Variants in KIAA0825 observed in about 807,000 individuals in gnomAD.
The protein encoded by KIAA0825 is uncharacterized protein KIAA0825.
Under a neutral mutation model 147.6 loss-of-function variants are expected in KIAA0825, and 119 were observed. That is an observed-to-expected ratio of 0.81 (90% CI 0.69 to 0.94). The LOEUF is 0.94. KIAA0825 is among the 40% of genes least tolerant of loss of function. The pLI is 0.00. For missense variants in KIAA0825, 1,381 were observed against 1,472.7 expected (o/e 0.94, Z 1.02); for synonymous variants, 470 against 518.1 (o/e 0.91, Z 1.26).
At chr5:94,329,307 G>A (rs929072355) in intron 20 of KIAA0825, among the ~76,000 whole-genome samples, 5 of 151,932 alleles carry the variant, frequency 3.3e-5, no homozygotes, top group African/African-American at 1.2e-4. Context: ...CTGAGCAAAT[G>A]AAATGGGAAA....
chr5:94,212,378 A>G (rs528086916), intron 20 of KIAA0825, among the ~76,000 whole-genome samples: 11 of 152,338 alleles, frequency 7.2e-5, no homozygotes, highest in South Asian at 2.1e-4. Flanking sequence ...CAGCCACTGT[A>G]TCAAGGTTTT....
In KIAA0825 at chr5:94,418,353, T is replaced by C. The variant is rs541708661; in HGVS notation, c.2498-988A>G. Among the ~76,000 whole-genome samples the C allele has an allele frequency of 1.8e-3, 271 of 152,286 alleles. 2 individuals carry two copies. The highest frequency in any genetic ancestry group is 5.8e-3 in the African/African-American group (243 of 41,578). ...CATCATAGACTTTATGTGGAGAACA[T>C]TATTGGTTTTGCTTCCTAATACCCA... On this transcript the variant is annotated intron_variant, in intron 14 of 20. Coordinates refer to ENST00000682413, the MANE Select transcript of KIAA0825 (RefSeq NM_001145678.3).
At chr5:94,567,017 T>C (rs1437780616) in intron 2 of KIAA0825, among the ~76,000 whole-genome samples, 1 of 152,194 alleles carries the variant, frequency 6.6e-6, no homozygotes, top group Non-Finnish European at 1.5e-5. Flanking sequence ...CCATAACCTT[T>C]CTCAGTTTAA....
chr5:94,338,338 T>C, intron 20 of KIAA0825, among the ~76,000 whole-genome samples: 1 of 151,308 alleles, frequency 6.6e-6, no homozygotes, highest in East Asian at 1.9e-4. Context: ...GGGAAAAGAA[T>C]CCTTTTTTAA....
At chr5:94,256,832 T>C (rs1776274731) in intron 20 of KIAA0825, among the ~76,000 whole-genome samples, 1 of 152,132 alleles carries the variant, frequency 6.6e-6, no homozygotes, top group African/African-American at 2.4e-5. Flanking sequence ...TTCTTAGAAC[T>C]TCAAAGGAGT....
At chr5:94,383,740 G>A (rs1748744187) in intron 20 of KIAA0825, among the ~76,000 whole-genome samples, 1 of 151,348 alleles carries the variant, frequency 6.6e-6, no homozygotes, top group Non-Finnish European at 1.5e-5. Context: ...ATTACATGTT[G>A]TTTCCTAGGC....
chr5:94,283,795 C>G (rs1777557477), intron 20 of KIAA0825, among the ~76,000 whole-genome samples: 2 of 152,106 alleles, frequency 1.3e-5, no homozygotes, highest in Non-Finnish European at 2.9e-5. Context: ...AAGCTCAACA[C>G]ATCTTTTTGA....
intron 20 of KIAA0825, among the ~76,000 whole-genome samples, chr5:94,220,883 A>G (rs548405779): frequency 1.3e-5 from 2 of 152,304 alleles, no homozygotes; most frequent in Non-Finnish European, 1.5e-5. Context: ...GGGACTGAAA[A>G]CTATTAATAT....
intron 2 of KIAA0825, among the ~76,000 whole-genome samples, chr5:94,576,763 C>G (rs1029330653): frequency 6.6e-6 from 1 of 152,214 alleles, no homozygotes. Context: ...GAGACATCTA[C>G]TCACGGAAGA....
intron 2 of KIAA0825, among the ~76,000 whole-genome samples, chr5:94,558,979 C>A (rs1020893109): frequency 6.6e-6 from 1 of 152,126 alleles, no homozygotes; most frequent in South Asian, 2.1e-4. Flanking sequence ...CATGACTGTC[C>A]ATAAAAATAC....
chr5:94,583,978 A>C (rs1355876599), intron 1 of KIAA0825, among the ~76,000 whole-genome samples: 1 of 152,196 alleles, frequency 6.6e-6, no homozygotes, highest in African/African-American at 2.4e-5. Context: ...ACAAACAGAA[A>C]GGAATACCAT....
intron 20 of KIAA0825, among the ~76,000 whole-genome samples, chr5:94,339,299 A>C (rs1167252399): frequency 6.6e-6 from 1 of 152,120 alleles, no homozygotes; most frequent in African/African-American, 2.4e-5. Context: ...ATTCCTATGA[A>C]TATTTTCTTC....
intron 14 of KIAA0825, among the ~76,000 whole-genome samples, chr5:94,419,080 T>C (rs1753844727): frequency 6.6e-6 from 1 of 152,086 alleles, no homozygotes; most frequent in Non-Finnish European, 1.5e-5. Context: ...CTTGCTCTGT[T>C]GCTCAGTCTG....
At chr5:94,578,974 C>T (rs967480127) in intron 2 of KIAA0825, among the ~76,000 whole-genome samples, 1 of 152,140 alleles carries the variant, frequency 6.6e-6, no homozygotes, top group African/African-American at 2.4e-5. Flanking sequence ...GGCTGGAGTA[C>T]AGTGGCATGG....
At chr5:94,313,892 C>T (rs910122577) in intron 20 of KIAA0825, among the ~76,000 whole-genome samples, 11 of 151,534 alleles carry the variant, frequency 7.3e-5, no homozygotes, top group Admixed American at 6.6e-4. Context: ...TTCCTGACAG[C>T]GCATTATGGA....
At chr5:94,342,020 CG>C (rs1171500517) in intron 20 of KIAA0825, among the ~76,000 whole-genome samples, 4 of 151,884 alleles carry the variant, frequency 2.6e-5, no homozygotes, top group Non-Finnish European at 5.9e-5. Flanking sequence ...GGTGAAACCC[CG>C]TCTCTACTAA....
rs1481376186 is a variant in KIAA0825 at position 94,153,771 on chromosome 5, TATATC to T, written c.*231_*235del. ...AAAGGGAACACGAGATGGCAGCAGT[TATATC>T]ATATAAAGAGAAAGATTGGGGAAAG... On this transcript the variant is annotated 3_prime_UTR_variant, in exon 21 of 21. Coordinates refer to ENST00000682413, the MANE Select transcript of KIAA0825 (RefSeq NM_001145678.3). 4.3e-5 allele frequency: 15 copies of T among 350,574 alleles called. No individual in the cohort carries two copies. Among genetic ancestry groups the T allele is most frequent in the East Asian group, 3.9e-4 (9 of 23,168 alleles). The allele number at this position is 350,574 out of a possible 1,614,324, so 21.7% of individuals were successfully genotyped here.
At chr5:94,362,533 G>C (rs1224162529) in intron 20 of KIAA0825, among the ~76,000 whole-genome samples, 3 of 149,824 alleles carry the variant, frequency 2.0e-5, no homozygotes, top group Non-Finnish European at 3.0e-5. Context: ...CTGACTCATA[G>C]CTCAGGTATC....
chr5:94,256,609 AAATT>A (rs1293364799), intron 20 of KIAA0825, among the ~76,000 whole-genome samples: 1 of 152,160 alleles, frequency 6.6e-6, no homozygotes, highest in Non-Finnish European at 1.5e-5. Context: ...TATTATTAAT[AAATT>A]CGTGTTTGAT....
Sources: gnomAD v4.1 joint callset for allele counts (sites outside exome capture counted in the v4.1 genomes callset) on GRCh38, gnomAD v4.1.1 for gene constraint, MANE v1.5 for transcripts, NCBI Gene and HGNC (gene_info 2026-07-23, HGNC 2026-07-21) for gene names.